The following SCARF2 variants were observed in gnomAD, a reference collection of about 807,000 sequenced individuals.
SCARF2 encodes the protein scavenger receptor class F member 2.
A neutral mutation model predicts 73.4 loss-of-function variants in SCARF2; 39 were observed. The ratio of observed to expected loss-of-function variants is 0.53; its 90% CI spans 0.41 to 0.69. SCARF2 has a LOEUF of 0.69. Among genes scored for constraint, SCARF2 ranks in the 30% least tolerant of loss-of-function variants. The pLI, the probability that SCARF2 is intolerant of heterozygous loss-of-function variation, is 0.00. For missense variants in SCARF2, 1,148 were observed against 1,303.5 expected (o/e 0.88, Z 1.84); for synonymous variants, 605 against 590.0 (o/e 1.03, Z -0.37).
At chr22:20,433,105 C>T (rs1262868196) in intron 1 of SCARF2, among the ~76,000 whole-genome samples, 2 of 152,208 alleles carry the variant, frequency 1.3e-5, no homozygotes, top group Admixed American at 6.5e-5. Flanking sequence ...AGAGCACAAC[C>T]TCTAAAACCC....
chr22:20,433,827 G>A (rs554300902), intron 1 of SCARF2, among the ~76,000 whole-genome samples: 6 of 152,356 alleles, frequency 3.9e-5, no homozygotes, highest in African/African-American at 1.4e-4. Flanking sequence ...CAGGTCTGCT[G>A]GCCATCACCC....
rs2052719394 is a variant in SCARF2 at position 20,437,739 on chromosome 22, G to C, written c.16C>G (p.Pro6Ala). The change falls in exon 1 of 11, where the codon CCC becomes GCC. Residue 6 changes from proline to alanine, a missense_variant. Pro to Ala is a conservative substitution (Grantham distance 27, BLOSUM62 -1). Transcript: ENST00000622235. MEGAG[P>A]RGAGPARRRG... is the part of the protein sequence containing the mutation. ...CGCCGCGCCGGCCCGGCCCCCCGGG[G>C]CCCTGCGCCCTCCATGAGGCGCGGG... is the stretch of plus-strand genomic sequence containing the variant. 1 of 1,174,452 alleles carries C rather than the reference G, an allele frequency of 8.5e-7. No individual in the cohort carries two copies. Among genetic ancestry groups the C allele is most frequent in the East Asian group, 4.3e-5 (1 of 23,372 alleles). The allele number at this position is 1,174,452 out of a possible 1,614,324, so 72.8% of individuals were successfully genotyped here.
Position 20,425,504 on chromosome 22 carries a change from A to T in SCARF2, c.2472T>A (p.Pro824=). ...CGGGCAAGTCGGTCGCCGCCTTCTC[A>T]GGCCCCGGGGTTTCGGTCGCTGGGG... is the stretch of plus-strand genomic sequence containing the variant. The part of the protein sequence containing the change: ...RAPPATETPG[P]EKAATDLPAP... Residue 824 remains proline (P), a synonymous_variant, in exon 11 of 11, where the codon CCT becomes CCA. Transcript: ENST00000622235. The surrounding 1 kb of genome is among the most constrained non-coding windows in gnomAD (Gnocchi z 4.6). The T allele has an allele frequency of 7.4e-7, 1 of 1,357,020 alleles. No homozygotes were observed. The allele number at this position is 1,357,020 out of a possible 1,614,324, so 84.1% of individuals were successfully genotyped here.
Position 20,430,676 on chromosome 22 carries a change from G to A in SCARF2, c.1073+14C>T, listed in dbSNP as rs1601299767. On this transcript the variant is annotated intron_variant, in intron 5 of 10. Transcript: ENST00000622235. ...GGACTGCGTGTCTGGGCCGACGCAG[G>A]CAGGGCTGCTCACCGGTCGCCGATC... 2 of 1,596,834 alleles carry A rather than the reference G, an allele frequency of 1.3e-6. No homozygotes were observed. Among genetic ancestry groups the A allele is most frequent in the East Asian group, 4.6e-5 (2 of 43,846 alleles).
Position 20,429,657 on chromosome 22 carries a change from T to C in SCARF2, c.1307-4A>G. 1 of 1,613,950 alleles carries C rather than the reference T, an allele frequency of 6.2e-7. No individual in the cohort carries two copies. The highest frequency in any genetic ancestry group is 8.5e-7 in the Non-Finnish European group (1 of 1,179,930). ...ACGCCCTTGCGCTGGTTGGTTTCTG[T>C]AGGGGGTTATGGGGTCAGCGCGGTT... On this transcript the variant is annotated splice_polypyrimidine_tract_variant and splice_region_variant and intron_variant, in intron 7 of 10. Transcript: ENST00000622235. This position sits in a 1 kb window ranked among gnomAD's most constrained non-coding sequence, Gnocchi z 5.2.
Position 20,425,928 on chromosome 22 carries a change from G to T in SCARF2, c.2048C>A (p.Pro683Gln). Residue 683 changes from proline to glutamine, a missense_variant, in exon 11 of 11, where the codon CCA becomes CAA. Coordinates refer to ENST00000622235, the MANE Select transcript of SCARF2 (RefSeq NM_182895.5). This position sits in a 1 kb window ranked among gnomAD's most constrained non-coding sequence, Gnocchi z 4.6. ...CGCGGCCTCGGAGCCTGGCGGCGGT[G>T]GTGAGGGCGCACGGCCAGCTGCAGC... ...SAAAAGRAPSPPPPGSEAAPS... is the reference protein window; with the variant it reads ...SAAAAGRAPSQPPPGSEAAPS... 1 of 1,597,090 alleles carries T rather than the reference G, an allele frequency of 6.3e-7. No homozygotes were observed. The highest frequency in any genetic ancestry group is 8.5e-7 in the Non-Finnish European group (1 of 1,175,274).
intron 1 of SCARF2, 76 bp downstream of exon 1, chr22:20,437,506 T>C (rs1437393896): frequency 6.9e-7 from 1 of 1,452,768 alleles, no homozygotes; most frequent in Non-Finnish European, 9.2e-7. Flanking sequence ...GGTAGCCCCC[T>C]CCCAATGCCC....
At position 20,427,542 on chromosome 22, in the gene SCARF2, G is replaced by C; in HGVS notation, c.1549C>G (p.His517Asp). ...QKLPKVVVAH[H>D]DLDNTLNCSF... ...CAGTTGAGTGTGTTATCCAGGTCGT[G>C]GTGGGCCACTGGGGAAGGATGAGGC... The change falls in exon 10 of 11, where the codon CAC (histidine) becomes GAC (aspartate). Residue 517 changes from histidine (H) to aspartate (D), a missense_variant. This residue lies in a region of SCARF2 where 437 missense variants were observed against 433.6 expected (regional missense o/e 1.01). Transcript: ENST00000622235. 1 of 1,613,244 alleles carries C rather than the reference G, an allele frequency of 6.2e-7. No individual in the cohort carries two copies. Among genetic ancestry groups the C allele is most frequent in the Non-Finnish European group, 8.5e-7 (1 of 1,179,990 alleles).
chr22:20,434,616 G>A (rs553813918), intron 1 of SCARF2, among the ~76,000 whole-genome samples: 2 of 152,238 alleles, frequency 1.3e-5, no homozygotes, highest in Admixed American at 6.5e-5. Flanking sequence ...ACAAAGACGG[G>A]TGGGGAAAGA....
chr22:20,435,396 G>A (rs1424923375), intron 1 of SCARF2, among the ~76,000 whole-genome samples: 4 of 152,086 alleles, frequency 2.6e-5, no homozygotes, highest in African/African-American at 9.7e-5. Context: ...TGCCCCCCAG[G>A]GTGCGAAGTG....
At chr22:20,428,124 CA>C (rs2052600066) in intron 9 of SCARF2, among the ~76,000 whole-genome samples, 1 of 152,210 alleles carries the variant, frequency 6.6e-6, no homozygotes, top group African/African-American at 2.4e-5. Flanking sequence ...CCTATGTCCC[CA>C]GATGCCATGC....
Position 20,431,943 on chromosome 22 carries a change from G to C in SCARF2, c.219C>G (p.Asp73Glu). ...TGACCCACTCACCAATCCCACACTC[G>C]TCCCCTTGCTGCCTCCAGCCAGCGC... The part of the protein sequence containing the change: ...TCCAGWRQQG[D>E]ECGIAVCEGN... The change falls in exon 2 of 11, where the codon GAC becomes GAG. Residue 73 changes from aspartate to glutamate, a missense_variant. Asp to Glu is a conservative substitution (Grantham distance 45). This residue lies in a region of SCARF2 where 124 missense variants were observed against 120.4 expected (regional missense o/e 1.03). Coordinates refer to ENST00000622235, the MANE Select transcript of SCARF2 (RefSeq NM_182895.5). The C allele has an allele frequency of 6.8e-7, 1 of 1,476,238 alleles. No individual in the cohort carries two copies. The highest frequency in any genetic ancestry group is 9.0e-7 in the Non-Finnish European group (1 of 1,109,790). 91.4% of individuals were successfully genotyped at this position (1,476,238 alleles called of 1,614,324 possible). A position where few individuals can be genotyped will look rare whatever the true frequency, so the allele number is the denominator to read the frequency against.
chr22:20,430,513 G>C lies in SCARF2; in HGVS notation c.1118C>G (p.Ala373Gly). 6.2e-7 allele frequency: 1 copy of C among 1,606,644 alleles called. No individual in the cohort carries two copies. The highest frequency in any genetic ancestry group is 8.5e-7 in the Non-Finnish European group (1 of 1,177,114). ...CSNGTYGEDC[A>G]FVCADCGSGH... ...GCTGCCGCAGTCGGCGCACACGAAG[G>C]CGCAGTCCTCGCCGTAAGTGCCATT... The change falls in exon 6 of 11, where the codon GCC becomes GGC. Residue 373 changes from alanine to glycine, a missense_variant. Physicochemically the swap from Ala to Gly is moderately conservative, Grantham distance 60. This residue lies in a region of SCARF2 where 372 missense variants were observed against 532.0 expected (regional missense o/e 0.70). Transcript: ENST00000622235.
At position 20,426,332 on chromosome 22, in the gene SCARF2, G is replaced by A. The variant is rs756883509; in HGVS notation, c.1694-50C>T. ...CACAGCCTTCAGGAATACCTTTAGG[G>A]GCTCCAACCTCCAGGCGCAAACCTT... On this transcript the variant is annotated intron_variant, in intron 10 of 10. Coordinates refer to ENST00000622235, the MANE Select transcript of SCARF2 (RefSeq NM_182895.5). 3 of 1,521,320 alleles carry A rather than the reference G, an allele frequency of 2.0e-6. No homozygotes were observed. The African/African-American group carries it at 4.1e-5, about 21-fold the overall frequency. 94.2% of individuals were successfully genotyped at this position (1,521,320 alleles called of 1,614,324 possible). A position where few individuals can be genotyped will look rare whatever the true frequency, so the allele number is the denominator to read the frequency against.
intron 1 of SCARF2, 37 bp from the exon 2 acceptor site, chr22:20,432,025 C>T (rs1396455452): frequency 1.3e-6 from 2 of 1,584,560 alleles, no homozygotes; most frequent in Middle Eastern, 1.8e-4. Flanking sequence ...CCCGATGCCC[C>T]TCCCCCAGCC....
intron 5 of SCARF2, 50 bp from the exon 6 acceptor site, chr22:20,430,607 C>T: frequency 6.2e-7 from 1 of 1,610,532 alleles, no homozygotes; most frequent in Non-Finnish European, 8.5e-7. Flanking sequence ...AAACGGACCA[C>T]AGCGCCCTCG....
In SCARF2 at chr22:20,429,526, C is replaced by G. The variant is rs2052617578; in HGVS notation, c.1424+10G>C. ...AACCCAGGCGAAAGCGGGGCAGTATCTGGGCTCACCGGCGCGTAGGGTCCT... is the reference window on the plus strand; with the variant it reads ...AACCCAGGCGAAAGCGGGGCAGTATGTGGGCTCACCGGCGCGTAGGGTCCT... On this transcript the variant is annotated intron_variant, in intron 8 of 10. Transcript: ENST00000622235. This position sits in a 1 kb window ranked among gnomAD's most constrained non-coding sequence, Gnocchi z 5.2. The G allele has an allele frequency of 3.1e-6, 5 of 1,612,118 alleles. No individual in the cohort carries two copies. Among genetic ancestry groups the G allele is most frequent in the Non-Finnish European group, 4.2e-6 (5 of 1,179,574 alleles).
intron 10 of SCARF2, 26 bp from the exon 11 acceptor site, chr22:20,426,308 A>T: frequency 6.5e-7 from 1 of 1,531,928 alleles, no homozygotes; most frequent in Non-Finnish European, 8.7e-7. Flanking sequence ...CAGGGCGGTC[A>T]CAGCCTTCAG....
At position 20,437,734 on chromosome 22, in the gene SCARF2, C is replaced by T; in HGVS notation, c.21G>A (p.Arg7=). ...CCCGGCGCCGCGCCGGCCCGGCCCC[C>T]CGGGGCCCTGCGCCCTCCATGAGGC... is the stretch of plus-strand genomic sequence containing the variant. MEGAGP[R]GAGPARRRGA... Residue 7 remains arginine, a synonymous_variant, in exon 1 of 11, where the codon CGG becomes CGA. Transcript: ENST00000622235. 1.6e-6 allele frequency: 2 copies of T among 1,243,116 alleles called. No individual in the cohort carries two copies. 77.0% of individuals were successfully genotyped at this position (1,243,116 alleles called of 1,614,324 possible). A position where few individuals can be genotyped will look rare whatever the true frequency, so the allele number is the denominator to read the frequency against.
Sources: gnomAD v4.1 joint callset for allele counts (sites outside exome capture counted in the v4.1 genomes callset) on GRCh38, gnomAD v4.1.1 for gene constraint, gnomAD v4.1.1 regional missense constraint, Gnocchi (gnomAD v3.1) non-coding constraint, MANE v1.5 for transcripts, NCBI Gene and HGNC (gene_info 2026-07-23, HGNC 2026-07-21) for gene names.